RELB: variants seen among roughly 807,000 people sequenced by gnomAD.
RELB encodes transcription factor RelB.
Under a neutral mutation model 55.4 loss-of-function variants are expected in RELB, and 14 were observed. The observed-to-expected ratio is 0.25, with a 90% CI of 0.17 to 0.40. RELB has a LOEUF of 0.40. RELB is among the 10% of genes least tolerant of loss of function. The pLI is 1.00. For synonymous variants in RELB, 409 were observed against 371.3 expected (o/e 1.10, Z -1.17); for missense variants, 669 against 830.7 (o/e 0.81, Z 2.39).
intron 5 of RELB, 113 bp downstream of exon 5, chr19:45,022,323 T>C (rs1322551203): frequency 1.9e-6 from 2 of 1,056,544 alleles, no homozygotes; most frequent in African/African-American, 1.6e-5. Context: ...CCCTCCCCAC[T>C]GCCTCTTCTA....
intron 4 of RELB, among the ~76,000 whole-genome samples, chr19:45,013,056 A>C (rs1318490656): frequency 2.0e-5 from 3 of 149,756 alleles, no homozygotes; most frequent in Non-Finnish European, 2.9e-5. Context: ...CCTCCATTAA[A>C]AAACAAACAA....
intron 3 of RELB, among the ~76,000 whole-genome samples, chr19:45,011,498 C>G (rs1259550589): frequency 6.6e-6 from 1 of 151,306 alleles, no homozygotes; most frequent in African/African-American, 2.4e-5. Flanking sequence ...ACTCTGTCGC[C>G]CAGGCTGGCG....
chr19:45,021,093 T>C (rs1387539926), intron 4 of RELB, among the ~76,000 whole-genome samples: 5 of 152,066 alleles, frequency 3.3e-5, no homozygotes, highest in Admixed American at 6.6e-5. Flanking sequence ...GAGAATCCCT[T>C]GAGCCCGGAG....
At chr19:45,031,879 G>GGGAT (rs962868794) in intron 8 of RELB, among the ~76,000 whole-genome samples, 2 of 151,600 alleles carry the variant, frequency 1.3e-5, no homozygotes, top group African/African-American at 4.8e-5. Context: ...CCTGGCAAGG[G>GGGAT]GGATATTAAT....
chr19:45,002,000 G>C (rs1435429533), intron 1 of RELB, among the ~76,000 whole-genome samples: 1 of 152,000 alleles, frequency 6.6e-6, no homozygotes, highest in South Asian at 2.1e-4. Flanking sequence ...ATCGGGGCGG[G>C]GCCGGGCCCA....
intron 7 of RELB, among the ~76,000 whole-genome samples, chr19:45,026,929 A>G (rs1404419521): frequency 6.6e-6 from 1 of 152,160 alleles, no homozygotes; most frequent in Admixed American, 6.6e-5. Flanking sequence ...TATGGATGCA[A>G]GTGATAGAAT....
At chr19:45,009,679 C>G in intron 2 of RELB, 135 bp from the exon 3 acceptor site, 1 of 975,026 alleles carries the variant, frequency 1.0e-6, no homozygotes, top group East Asian at 2.5e-5. Context: ...AAGTCAGAGC[C>G]CAGGGTTTCC....
At chr19:45,009,907 G>A in intron 3 of RELB, 85 bp downstream of exon 3, 1 of 1,313,876 alleles carries the variant, frequency 7.6e-7, no homozygotes, top group Non-Finnish European at 1.1e-6. Context: ...TGTTCAGTGG[G>A]GGTGGGGGAG....
At chr19:45,023,738 C>T (rs1433339381) in intron 5 of RELB, among the ~76,000 whole-genome samples, 1 of 117,684 alleles carries the variant, frequency 8.5e-6, no homozygotes, top group African/African-American at 3.1e-5. Context: ...TGTGCCCAGC[C>T]TCTTTTTTTT....
At chr19:45,020,779 G>C (rs1424050778) in intron 4 of RELB, among the ~76,000 whole-genome samples, 1 of 150,174 alleles carries the variant, frequency 6.7e-6, no homozygotes, top group Non-Finnish European at 1.5e-5. Flanking sequence ...GGATGGTCTC[G>C]ATCTCCTGAC....
chr19:45,029,036 C>T (rs113408132), intron 8 of RELB, 44 bp downstream of exon 8: 2 of 1,378,490 alleles, frequency 1.5e-6, no homozygotes, highest in African/African-American at 1.4e-5. Context: ...CGGGGTCTGG[C>T]AACTTGGAGG....
At chr19:45,034,690 C>G (rs1206298472) in intron 11 of RELB, among the ~76,000 whole-genome samples, 162 bp downstream of exon 11, 1 of 152,084 alleles carries the variant, frequency 6.6e-6, no homozygotes, top group African/African-American at 2.4e-5. Context: ...GCTTTGGAGA[C>G]AGAATGGAAG....
At chr19:45,037,272 A>T in intron 11 of RELB, 133 bp from the exon 12 acceptor site, 8 of 925,126 alleles carry the variant, frequency 8.6e-6, no homozygotes, top group South Asian at 1.7e-5. Context: ...ACAGAATGAG[A>T]CTCCATCTCA....
chr19:45,030,037 T>C (rs1971602096), intron 8 of RELB, among the ~76,000 whole-genome samples: 1 of 151,654 alleles, frequency 6.6e-6, no homozygotes, highest in Non-Finnish European at 1.5e-5. Flanking sequence ...TGTGGTAGTG[T>C]GCACCTGTAG....
chr19:45,005,371 T>C (rs1378230435), intron 2 of RELB, among the ~76,000 whole-genome samples: 1 of 152,180 alleles, frequency 6.6e-6, no homozygotes, highest in Non-Finnish European at 1.5e-5. Flanking sequence ...TTTTTTCTTA[T>C]ATACATTTGC....
At chr19:45,022,791 C>T (rs1272379486) in intron 5 of RELB, among the ~76,000 whole-genome samples, 1 of 152,126 alleles carries the variant, frequency 6.6e-6, no homozygotes, top group Non-Finnish European at 1.5e-5. Context: ...TTAGGTGATC[C>T]TCCCAGCTCG....
chr19:45,025,554 C>T (rs751070957), intron 6 of RELB, 52 bp from the exon 7 acceptor site: 2 of 1,610,610 alleles, frequency 1.2e-6, no homozygotes, highest in Non-Finnish European at 1.7e-6. Flanking sequence ...CCCTGTACCC[C>T]AGAGAGGGTC....
intron 11 of RELB, among the ~76,000 whole-genome samples, chr19:45,035,847 T>C (rs892007357): frequency 2.0e-5 from 3 of 152,012 alleles, no homozygotes; most frequent in African/African-American, 7.2e-5. Context: ...CAAAAAACAG[T>C]CCATAGGTAG....
In RELB at chr19:45,022,068, G is replaced by A. The variant is rs750963375; in HGVS notation, c.520G>A (p.Gly174Arg). ...LPAIELRDCGGLREVEVTACL... is the reference protein window; with the variant it reads ...LPAIELRDCGRLREVEVTACL... ...CTTCCTGCAGCTCCGGGATTGTGGA[G>A]GGCTGCGGGAGGTGGAGGTGACTGC... Residue 174 changes from glycine (G) to arginine (R), a missense_variant, in exon 5 of 12, where the codon GGG becomes AGG. Gly to Arg is a moderately radical substitution (Grantham distance 125). Coordinates refer to ENST00000221452, the MANE Select transcript of RELB (RefSeq NM_006509.4). The A allele has an allele frequency of 1.9e-6, 3 of 1,611,118 alleles. No individual in the cohort carries two copies. The South Asian group carries it at 3.3e-5, about 18-fold the overall frequency.
Sources: gnomAD v4.1 joint callset for allele counts (sites outside exome capture counted in the v4.1 genomes callset) on GRCh38, gnomAD v4.1.1 for gene constraint, MANE v1.5 for transcripts, NCBI Gene and HGNC (gene_info 2026-07-23, HGNC 2026-07-21) for gene names.